Variants in OXR1 observed in about 807,000 individuals in gnomAD.
The protein encoded by OXR1 is oxidation resistance 1, also known as oxidation resistance protein 1.
OXR1 carries 41 observed loss-of-function variants against 104.6 expected under a neutral mutation model. That is an observed-to-expected ratio of 0.39 (90% CI 0.31 to 0.51). The LOEUF (loss-of-function observed/expected upper bound fraction) is 0.51. OXR1 is among the 20% of genes least tolerant of loss of function. The probability of loss-of-function intolerance (pLI) is 0.77; values close to 1 mark genes in which losing one functional copy is unlikely to be tolerated. For missense variants in OXR1, 955 were observed against 1,031.9 expected, an observed-to-expected ratio of 0.93 and a Z score of 1.02; for synonymous variants, 348 against 348.4, an observed-to-expected ratio of 1.00 and a Z score of 0.01.
chr8:106,445,931 T>G (rs902420525), intron 2 of OXR1, among the ~76,000 whole-genome samples: 2 of 152,186 alleles, frequency 1.3e-5, no homozygotes, highest in Non-Finnish European at 2.9e-5. Context: ...GGGTTGGACA[T>G]GCTGATTAAC....
Position 106,471,285 on chromosome 8 carries a change from A to T in OXR1, c.24-47658A>T, listed in dbSNP as rs144121818. ...CATAAGTAGACGATTAATAATTTTA[A>T]TATTAATAATTAGCAATAATTTATC... On this transcript the variant is annotated intron_variant, in intron 2 of 16. Transcript: ENST00000517566. 1.2e-3 allele frequency among the ~76,000 whole-genome samples: 177 copies of T among 151,920 alleles called. 5 individuals carry two copies. The East Asian group carries it at 0.028, about 24-fold the overall frequency.
intron 3 of OXR1, among the ~76,000 whole-genome samples, chr8:106,550,328 C>T (rs1385351460): frequency 6.6e-6 from 1 of 152,192 alleles, no homozygotes; most frequent in Non-Finnish European, 1.5e-5. Flanking sequence ...ACAGTGTGTT[C>T]ACACAACAGC....
rs775398654 is a variant in OXR1, at chr8:106,465,345, G to A, written c.24-53598G>A. Reference sequence around the variant, plus strand: ...GAGGGGTGGAGGAGTAATAGGAGTTGAGTTCAGAGAGGCAATAAGAGGTCA... The same window carrying A: ...GAGGGGTGGAGGAGTAATAGGAGTTAAGTTCAGAGAGGCAATAAGAGGTCA... On this transcript the variant is annotated intron_variant, in intron 2 of 16. Transcript: ENST00000517566. 1.2e-4 allele frequency among the ~76,000 whole-genome samples: 18 copies of A among 151,988 alleles called. 1 individual carries two copies. Among genetic ancestry groups the A allele is most frequent in the Non-Finnish European group, 1.9e-4 (13 of 67,946 alleles).
intron 3 of OXR1, among the ~76,000 whole-genome samples, chr8:106,652,560 T>C (rs1025794692): frequency 6.6e-6 from 1 of 151,854 alleles, no homozygotes; most frequent in African/African-American, 2.4e-5. Context: ...AAAATTACTT[T>C]GAGATAAATA....
At chr8:106,539,888 A>G (rs191784813) in intron 3 of OXR1, among the ~76,000 whole-genome samples, 40 of 152,344 alleles carry the variant, frequency 2.6e-4, no homozygotes, top group African/African-American at 8.4e-4. Flanking sequence ...AATGAACACA[A>G]TGCTGAGTGA....
At chr8:106,603,348 A>G (rs1307467515) in intron 3 of OXR1, among the ~76,000 whole-genome samples, 3 of 152,224 alleles carry the variant, frequency 2.0e-5, no homozygotes, top group Admixed American at 6.5e-5. Flanking sequence ...AAAAACATAC[A>G]GTGTATAGTT....
At chr8:106,667,196 A>C (rs1826428812) in intron 3 of OXR1, among the ~76,000 whole-genome samples, 1 of 152,164 alleles carries the variant, frequency 6.6e-6, no homozygotes, top group Non-Finnish European at 1.5e-5. Flanking sequence ...TTATAATCAA[A>C]GATTTGATCT....
chr8:106,580,601 C>T (rs1222071291), intron 3 of OXR1, among the ~76,000 whole-genome samples: 1 of 152,110 alleles, frequency 6.6e-6, no homozygotes, highest in Non-Finnish European at 1.5e-5. Flanking sequence ...CTGAGATTAT[C>T]GGATCCTATG....
chr8:106,554,973 T>G (rs1204909763), intron 3 of OXR1, among the ~76,000 whole-genome samples: 1 of 152,160 alleles, frequency 6.6e-6, no homozygotes, highest in African/African-American at 2.4e-5. Context: ...GTTATTATAA[T>G]AAAACAAATT....
intron 2 of OXR1, among the ~76,000 whole-genome samples, chr8:106,466,181 A>G (rs1353360617): frequency 2.6e-5 from 4 of 151,994 alleles, no homozygotes; most frequent in Middle Eastern, 3.2e-3. Context: ...CATGATAGAC[A>G]CTTAAAATCT....
intron 2 of OXR1, among the ~76,000 whole-genome samples, chr8:106,475,032 A>G (rs1821724151): frequency 6.6e-6 from 1 of 151,910 alleles, no homozygotes; most frequent in Non-Finnish European, 1.5e-5. Flanking sequence ...AAAATATAGT[A>G]CTAGTACCTA....
intron 1 of OXR1, among the ~76,000 whole-genome samples, chr8:106,351,063 A>G (rs544652652): frequency 1.3e-5 from 2 of 152,374 alleles, no homozygotes; most frequent in East Asian, 3.9e-4. Flanking sequence ...TCTAGAACCT[A>G]TAAATACGGC....
intron 1 of OXR1, among the ~76,000 whole-genome samples, chr8:106,286,776 A>G (rs1220569247): frequency 1.3e-5 from 2 of 152,224 alleles, no homozygotes; most frequent in Non-Finnish European, 2.9e-5. Context: ...TGCTTTTAGC[A>G]TGAGGTATTC....
At chr8:106,671,351 G>A (rs1826959358) in intron 3 of OXR1, among the ~76,000 whole-genome samples, 1 of 151,974 alleles carries the variant, frequency 6.6e-6, no homozygotes, top group South Asian at 2.1e-4. Flanking sequence ...ATAAATATGA[G>A]AGCAAAACTA....
Position 106,573,169 on chromosome 8 carries a change from G to A in OXR1, c.220+54030G>A, listed in dbSNP as rs556339611. Reference sequence around the variant, plus strand: ...TCAAGTCCTCAAATGATAGGATGACGTCCATCCACGTTAGCAAGGGCAATA... The same window carrying A: ...TCAAGTCCTCAAATGATAGGATGACATCCATCCACGTTAGCAAGGGCAATA... On this transcript the variant is annotated intron_variant, in intron 3 of 16. Transcript: ENST00000517566. Among the ~76,000 whole-genome samples the A allele has an allele frequency of 6.6e-5, 10 of 152,182 alleles. No homozygotes were observed. The South Asian group carries it at 1.7e-3, about 25-fold the overall frequency.
chr8:106,572,270 C>T (rs182557404), intron 3 of OXR1, among the ~76,000 whole-genome samples: 94 of 152,318 alleles, frequency 6.2e-4, no homozygotes, highest in Middle Eastern at 3.4e-3. Flanking sequence ...TCAGTTCAAA[C>T]TGGTAATGAC....
Position 106,745,993 on chromosome 8 carries a change from AGTATAAT to A in OXR1, c.2486+136_2486+142del, listed in dbSNP as rs1264863977. 11 of 565,098 alleles carry A rather than the reference AGTATAAT, an allele frequency of 1.9e-5. 1 individual carries two copies. In the East Asian group the frequency reaches 2.9e-4, roughly 15 times the overall value. 35.0% of individuals were successfully genotyped at this position (565,098 alleles called of 1,614,324 possible). A position where few individuals can be genotyped will look rare whatever the true frequency, so the allele number is the denominator to read the frequency against. On this transcript the variant is annotated intron_variant, in intron 16 of 16. Coordinates refer to ENST00000517566, the MANE Select transcript of OXR1 (RefSeq NM_001198533.2). ...CAAATTTGTATATTATGAAAAAGAG[AGTATAAT>A]GTATTTGCAAGAAGTAGCTCAAGTG... is the stretch of plus-strand genomic sequence containing the variant.
chr8:106,337,889 G>T (rs1815028869), intron 1 of OXR1, among the ~76,000 whole-genome samples: 1 of 152,024 alleles, frequency 6.6e-6, no homozygotes, highest in Admixed American at 6.6e-5. Context: ...ACATAATAAA[G>T]AATTATAATA....
intron 2 of OXR1, among the ~76,000 whole-genome samples, chr8:106,451,179 G>A (rs529983974): frequency 2.6e-5 from 4 of 152,190 alleles, no homozygotes; most frequent in Admixed American, 6.5e-5. Flanking sequence ...CAAGAAGGCC[G>A]TCACCTGAGC....
Sources: gnomAD v4.1 joint callset for allele counts (sites outside exome capture counted in the v4.1 genomes callset) on GRCh38, gnomAD v4.1.1 for gene constraint, MANE v1.5 for transcripts, NCBI Gene and HGNC (gene_info 2026-07-23, HGNC 2026-07-21) for gene names.